Variants in IFIT3 observed in about 807,000 individuals in gnomAD.
The protein encoded by IFIT3 is interferon induced protein with tetratricopeptide repeats 3.
IFIT3 carries 2 observed loss-of-function variants against 2.4 expected under a neutral mutation model. The ratio of observed to expected loss-of-function variants is 0.82; its 90% CI spans 0.34 to 2.60. The LOEUF (loss-of-function observed/expected upper bound fraction) is 2.60, where lower values mean the gene tolerates loss of function less well. Ranked by LOEUF, IFIT3 falls within the 30% of genes most tolerant of loss-of-function variation. IFIT3 has a pLI of 0.11. For missense variants in IFIT3, 481 were observed against 562.4 expected (o/e 0.86, Z 1.46); for synonymous variants, 203 against 212.1 (o/e 0.96, Z 0.37).
chr10:89,336,498 C>G (rs1243730401), intron 1 of IFIT3, among the ~76,000 whole-genome samples: 1 of 152,150 alleles, frequency 6.6e-6, no homozygotes, highest in African/African-American at 2.4e-5. Flanking sequence ...GAGAGACAGA[C>G]AGGAAGTATA....
chr10:89,334,672 T>C (rs924951346), intron 1 of IFIT3, among the ~76,000 whole-genome samples: 5 of 151,594 alleles, frequency 3.3e-5, no homozygotes, highest in Middle Eastern at 3.2e-3. Flanking sequence ...TTTGTGTTTT[T>C]AGTACAGGCG....
In IFIT3 at chr10:89,340,197, CAG is replaced by C. The variant is rs1200410039; in HGVS notation, c.*70_*71del. 6.1e-6 allele frequency: 9 copies of C among 1,481,588 alleles called. No homozygotes were observed. The African/African-American group carries it at 1.1e-4, about 19-fold the overall frequency. The allele number at this position is 1,481,588 out of a possible 1,614,324, so 91.8% of individuals were successfully genotyped here. ...TGTGACGGGTAGGACGATAGGAAGA[CAG>C]GGGGCCCCAACCTGGGATTGCTGAG... On this transcript the variant is annotated 3_prime_UTR_variant, in exon 2 of 2. Transcript: ENST00000371818.
intron 1 of IFIT3, chr10:89,332,355 T>C: frequency 1.4e-6 from 1 of 697,816 alleles, no homozygotes. Context: ...AGTGCCTTTT[T>C]ACAACTTTCA....
chr10:89,334,690 A>G (rs1292743773), intron 1 of IFIT3, among the ~76,000 whole-genome samples: 2 of 150,852 alleles, frequency 1.3e-5, no homozygotes, highest in Non-Finnish European at 1.5e-5. Context: ...GCGGGGTTTC[A>G]TCATGTTGGC....
rs1262633382 is a variant in IFIT3, at chr10:89,338,678, C to T, written c.23C>T (p.Ser8Phe). ...CTCCACAGTGAGGTCACCAAGAATT[C>T]CCTGGAGAAAATCCTTCCACAGCTG... MSEVTKN[S>F]LEKILPQLKC... Residue 8 changes from serine (S) to phenylalanine (F), a missense_variant, in exon 2 of 2, where the codon TCC (serine) becomes TTC (phenylalanine). Physicochemically the swap from Ser to Phe is radical, Grantham distance 155. Coordinates refer to ENST00000371818, the MANE Select transcript of IFIT3 (RefSeq NM_001549.6). The T allele has an allele frequency of 5.6e-6, 9 of 1,612,250 alleles. No homozygotes were observed. The highest frequency in any genetic ancestry group is 5.9e-6 in the Non-Finnish European group (7 of 1,178,832).
At chr10:89,332,309 C>T (rs1843662372) in intron 1 of IFIT3, among the ~76,000 whole-genome samples, 1 of 152,270 alleles carries the variant, frequency 6.6e-6, no homozygotes, top group African/African-American at 2.4e-5. Flanking sequence ...TGACATAACA[C>T]ATTTGGAAGC....
chr10:89,340,013 T>C lies in IFIT3; in HGVS notation c.1358T>C (p.Ile453Thr), dbSNP rs146293366. The part of the protein sequence containing the change: ...GRLLRDAPSG[I>T]GSIFLSASEL... ...CTGCTAAGGGATGCCCCTTCAGGCA[T>C]AGGCAGTATTTTCCTGTCAGCATCT... is the stretch of plus-strand genomic sequence containing the variant. The change falls in exon 2 of 2, where the codon ATA (isoleucine) becomes ACA (threonine). Residue 453 changes from isoleucine to threonine, a missense_variant. Coordinates refer to ENST00000371818, the MANE Select transcript of IFIT3 (RefSeq NM_001549.6). 3 of 1,614,060 alleles carry C rather than the reference T, an allele frequency of 1.9e-6. No homozygotes were observed. Among genetic ancestry groups the C allele is most frequent in the Non-Finnish European group, 2.5e-6 (3 of 1,180,032 alleles).
rs55771127 is a variant in IFIT3, at chr10:89,340,583, A to G, written c.*455A>G. 0.064 allele frequency: 9,042 copies of G among 140,856 alleles called. 434 individuals carry two copies. The highest frequency in any genetic ancestry group is 0.095 in the Non-Finnish European group (6,327 of 66,284). The allele number at this position is 140,856 out of a possible 1,614,324, so 8.7% of individuals were successfully genotyped here. On this transcript the variant is annotated 3_prime_UTR_variant, in exon 2 of 2. Coordinates refer to ENST00000371818, the MANE Select transcript of IFIT3 (RefSeq NM_001549.6). ...AAAAAAAAAAAAAAAAAAAAAAAAG[A>G]GTTGTTTTCTCATGTTCATTATAGT... is the stretch of plus-strand genomic sequence containing the variant.
Position 89,339,889 on chromosome 10 carries a change from CA to C in IFIT3, c.1238del (p.Asn413MetfsTer11). 2 of 1,614,130 alleles carry C rather than the reference CA, an allele frequency of 1.2e-6. No homozygotes were observed. The highest frequency in any genetic ancestry group is 2.7e-5 in the African/African-American group (2 of 75,066). On this transcript the variant is annotated frameshift_variant, in exon 2 of 2. Transcript: ENST00000371818. LOFTEE classifies it low-confidence loss of function (END_TRUNC). Reference sequence around the variant, plus strand: ...GAATGTATCTGAAAATCTGCTTCCACAAAATGCACCAAATTATTGGTATCTT... The same window carrying C: ...GAATGTATCTGAAAATCTGCTTCCACAAATGCACCAAATTATTGGTATCTT... ...PQNVSENLLPQNAPNYWYLQG... is the reference protein window; with the variant it reads ...PQNVSENLLPXNAPNYWYLQG...
In IFIT3 at chr10:89,339,425, T is replaced by A. The variant is rs753617134; in HGVS notation, c.770T>A (p.Leu257Gln). The change falls in exon 2 of 2, where the codon CTA (leucine) becomes CAA (glutamine). Residue 257 changes from leucine to glutamine, a missense_variant. Leu to Gln is a moderately radical substitution (Grantham distance 113). Coordinates refer to ENST00000371818, the MANE Select transcript of IFIT3 (RefSeq NM_001549.6). Reference protein sequence around the residue: ...AAKFYRRKGDLDKAIELFQRV... With the variant: ...AAKFYRRKGDQDKAIELFQRV... The stretch of plus-strand genomic sequence containing the variant: ...AAATTTTACAGAAGAAAAGGTGACC[T>A]AGACAAAGCTATTGAACTGTTTCAA... The A allele has an allele frequency of 1.9e-6, 3 of 1,614,070 alleles. No homozygotes were observed.
At chr10:89,338,171 A>G (rs1273274457) in intron 1 of IFIT3, 1 of 156,650 alleles carries the variant, frequency 6.4e-6, no homozygotes, top group Admixed American at 6.1e-5. Context: ...ATATAAAGAG[A>G]TTTATTATGA....
At chr10:89,334,625 T>C (rs1843706116) in intron 1 of IFIT3, among the ~76,000 whole-genome samples, 1 of 150,794 alleles carries the variant, frequency 6.6e-6, no homozygotes, top group Non-Finnish European at 1.5e-5. Context: ...CCCGAGTAGC[T>C]GGGATTACAG....
chr10:89,336,703 ATGGT>A (rs1843746108), intron 1 of IFIT3, among the ~76,000 whole-genome samples: 1 of 152,210 alleles, frequency 6.6e-6, no homozygotes, highest in Non-Finnish European at 1.5e-5. Flanking sequence ...GTCAGAATAG[ATGGT>A]TGGTATCTTT....
intron 1 of IFIT3, among the ~76,000 whole-genome samples, chr10:89,336,084 TG>T (rs1202735429): frequency 7.0e-6 from 1 of 142,538 alleles, no homozygotes; most frequent in Non-Finnish European, 1.5e-5. Flanking sequence ...GAGACCACTC[TG>T]GGCAATATAG....
chr10:89,332,537 C>T (rs973569769), intron 1 of IFIT3: 4 of 1,612,846 alleles, frequency 2.5e-6, no homozygotes, highest in Non-Finnish European at 3.4e-6. Flanking sequence ...GGGTGGAAAC[C>T]TCTTCAGCAT....
chr10:89,338,523 C>T, intron 1 of IFIT3, 138 bp from the exon 2 acceptor site: 1 of 784,774 alleles, frequency 1.3e-6, no homozygotes, highest in Non-Finnish European at 2.0e-6. Flanking sequence ...AACAACCTCA[C>T]ATACATACCC....
At chr10:89,330,717 A>T (rs957210392) in intron 1 of IFIT3, among the ~76,000 whole-genome samples, 2 of 149,776 alleles carry the variant, frequency 1.3e-5, no homozygotes, top group South Asian at 4.2e-4. Flanking sequence ...AGGTCACTGA[A>T]ATCCAGGTGT....
At chr10:89,335,543 CAAAAAAA>C (rs555368433) in intron 1 of IFIT3, 1 of 118,206 alleles carries the variant, frequency 8.5e-6, no homozygotes, top group Non-Finnish European at 1.9e-5. Context: ...TTCTGCCCTC[CAAAAAAA>C]AAAAAAAAAG....
Position 89,339,269 on chromosome 10 carries a change from A to C in IFIT3, c.614A>C (p.Asp205Ala). Reference sequence around the variant, plus strand: ...AAGCAGGCCATTGAGCTGAGTCCTGATAACCAATACGTCAAGGTTCTCTTG... The same window carrying C: ...AAGCAGGCCATTGAGCTGAGTCCTGCTAACCAATACGTCAAGGTTCTCTTG... ...VLKQAIELSPDNQYVKVLLGL... is the reference protein window; with the variant it reads ...VLKQAIELSPANQYVKVLLGL... The change falls in exon 2 of 2, where the codon GAT becomes GCT. Residue 205 changes from aspartate (D) to alanine (A), a missense_variant. By Grantham distance (126) the Asp-to-Ala change is moderately radical (BLOSUM62 -2). Transcript: ENST00000371818. The C allele has an allele frequency of 6.2e-7, 1 of 1,614,222 alleles. No individual in the cohort carries two copies. The highest frequency in any genetic ancestry group is 8.5e-7 in the Non-Finnish European group (1 of 1,180,038).
Sources: gnomAD v4.1 joint callset for allele counts (sites outside exome capture counted in the v4.1 genomes callset) on GRCh38, gnomAD v4.1.1 for gene constraint, MANE v1.5 for transcripts, NCBI Gene and HGNC (gene_info 2026-07-23, HGNC 2026-07-21) for gene names.